N4BP2: variants seen among roughly 807,000 people sequenced by gnomAD.
N4BP2 encodes the protein NEDD4 binding protein 2, also known as NEDD4-binding protein 2.
N4BP2 carries 91 observed loss-of-function variants against 152.8 expected under a neutral mutation model. The observed-to-expected ratio is 0.60, with a 90% CI of 0.50 to 0.71. The LOEUF is 0.71. Among genes scored for constraint, N4BP2 ranks in the 30% least tolerant of loss-of-function variants. The probability of loss-of-function intolerance (pLI) is 0.00; values close to 1 mark genes in which losing one functional copy is unlikely to be tolerated. For synonymous variants in N4BP2, 646 were observed against 705.3 expected, an observed-to-expected ratio of 0.92 and a Z score of 1.33; for missense variants, 1,923 against 2,059.1, an observed-to-expected ratio of 0.93 and a Z score of 1.28.
At chr4:40,159,644 C>T (rs1467197864), downstream of N4BP2, among the ~76,000 whole-genome samples, 1 of 152,166 alleles carries the variant, frequency 6.6e-6, no homozygotes, top group Non-Finnish European at 1.5e-5. Flanking sequence ...TGACCAGAAC[C>T]TAGTCATGTC....
intron 1 of N4BP2, among the ~76,000 whole-genome samples, chr4:40,069,551 G>A (rs1560569387): frequency 6.6e-6 from 1 of 152,006 alleles, no homozygotes; most frequent in Non-Finnish European, 1.5e-5. Context: ...AGTGTGCCCT[G>A]CTTTATAAAA....
At chr4:40,168,821 G>A in the N4BP2 span, among the ~76,000 whole-genome samples, 77,404 of 151,342 alleles carry the variant, frequency 0.51, 20,878 homozygotes, top group South Asian at 0.59. Context: ...ACCTCCCTGG[G>A]TTCAAGTGAT....
chr4:40,123,232 T>C lies in N4BP2; in HGVS notation c.4284+20T>C. 1 of 1,507,730 alleles carries C rather than the reference T, an allele frequency of 6.6e-7. No individual in the cohort carries two copies. The allele number at this position is 1,507,730 out of a possible 1,614,324, so 93.4% of individuals were successfully genotyped here. ...GTAATGGTTGGTAGGCTTCTTTTTA[T>C]AAAGAGCTCCTTTTTTGTCCATTTT... On this transcript the variant is annotated intron_variant, in intron 10 of 17. Transcript: ENST00000261435.
intron 2 of N4BP2, among the ~76,000 whole-genome samples, chr4:40,074,512 A>G (rs1386633680): frequency 6.6e-6 from 1 of 152,048 alleles, no homozygotes; most frequent in East Asian, 1.9e-4. Context: ...CCTGGCCTAC[A>G]CAGGTTTCTA....
intron 2 of N4BP2, among the ~76,000 whole-genome samples, chr4:40,088,712 C>A (rs762734239): frequency 6.6e-6 from 1 of 152,032 alleles, no homozygotes; most frequent in Non-Finnish European, 1.5e-5. Flanking sequence ...GTTGGTCAGG[C>A]CGGTCTCGAA....
chr4:40,091,182 A>G (rs1714504577), intron 2 of N4BP2, among the ~76,000 whole-genome samples: 1 of 152,054 alleles, frequency 6.6e-6, no homozygotes, highest in South Asian at 2.1e-4. Flanking sequence ...TTTCTGTAAT[A>G]CATAGATAAC....
rs371147926 is a variant in N4BP2, at chr4:40,142,780, G to A, written c.4893G>A (p.Gln1631=). Residue 1631 remains glutamine (Q), a synonymous_variant, in exon 15 of 18, where the codon CAG becomes CAA. Transcript: ENST00000261435. ...DYRAEAFLHQ[Q]KRMECYSKAK... ...GAGCAGAGGCTTTCCTTCACCAACA[G>A]AAGAGGATGGAGTGCTACAGCAAGG... 66 of 1,614,154 alleles carry A rather than the reference G, an allele frequency of 4.1e-5. No individual in the cohort carries two copies. Among genetic ancestry groups the A allele is most frequent in the Non-Finnish European group, 5.6e-5 (66 of 1,180,016 alleles).
intron 2 of N4BP2, among the ~76,000 whole-genome samples, chr4:40,081,147 C>G (rs747632475): frequency 9.2e-5 from 14 of 151,678 alleles, no homozygotes; most frequent in Non-Finnish European, 1.9e-4. Flanking sequence ...ATGATTTTTT[C>G]CTGATTATGG....
intron 2 of N4BP2, among the ~76,000 whole-genome samples, chr4:40,094,960 T>C (rs977290469): frequency 6.6e-6 from 1 of 152,150 alleles, no homozygotes; most frequent in African/African-American, 2.4e-5. Flanking sequence ...GTATTTTTAG[T>C]AGAGACAGAA....
At chr4:40,144,351 A>G (rs1396076257) in intron 15 of N4BP2, among the ~76,000 whole-genome samples, 2 of 152,190 alleles carry the variant, frequency 1.3e-5, no homozygotes, top group Non-Finnish European at 2.9e-5. Context: ...ATTAACTGTC[A>G]CATGTGAGGA....
intron 1 of N4BP2, among the ~76,000 whole-genome samples, chr4:40,066,597 G>A (rs527572476): frequency 3.3e-5 from 5 of 152,274 alleles, no homozygotes; most frequent in Admixed American, 3.3e-4. Flanking sequence ...TGGGATTACA[G>A]GTGTGAGCCA....
At chr4:40,137,671 A>G (rs1213293742) in intron 14 of N4BP2, among the ~76,000 whole-genome samples, 1 of 152,102 alleles carries the variant, frequency 6.6e-6, no homozygotes, top group Non-Finnish European at 1.5e-5. Context: ...TGGAAACAGG[A>G]GGTATGGCTT....
chr4:40,122,062 T>G lies in N4BP2; in HGVS notation c.3951T>G (p.Phe1317Leu). The G allele has an allele frequency of 6.5e-7, 1 of 1,549,834 alleles. No individual in the cohort carries two copies. The highest frequency in any genetic ancestry group is 8.7e-7 in the Non-Finnish European group (1 of 1,147,642). Residue 1317 changes from phenylalanine to leucine, a missense_variant, in exon 9 of 18, where the codon TTT becomes TTG. Physicochemically the swap from Phe to Leu is conservative, Grantham distance 22 (BLOSUM62 0). Coordinates refer to ENST00000261435, the MANE Select transcript of N4BP2 (RefSeq NM_018177.6). ...TTGAAATAAAGAGAAATGAAAATTT[T>G]CCAAAGGATTATGTGAAATTTTCAG... The part of the protein sequence containing the change: ...DSLEIKRNEN[F>L]PKDYVKFSDE...
Position 40,154,318 on chromosome 4 carries a change from C to CCTG in N4BP2, c.*81_*82insCTG. 1 of 829,248 alleles carries CCTG rather than the reference C, an allele frequency of 1.2e-6. No individual in the cohort carries two copies. The highest frequency in any genetic ancestry group is 1.9e-6 in the Non-Finnish European group (1 of 524,128). The allele number at this position is 829,248 out of a possible 1,614,324, so 51.4% of individuals were successfully genotyped here. A position where few individuals can be genotyped will look rare whatever the true frequency, so the allele number is the denominator to read the frequency against. On this transcript the variant is annotated 3_prime_UTR_variant, in exon 18 of 18. Coordinates refer to ENST00000261435, the MANE Select transcript of N4BP2 (RefSeq NM_018177.6). ...TTGCAGTAATTCAGTCAATTCTACC[C>CCTG]TAAAGATGTGTTTTATTATAAATAA...
At chr4:40,071,180 A>T (rs1477195558) in intron 1 of N4BP2, among the ~76,000 whole-genome samples, 1 of 151,008 alleles carries the variant, frequency 6.6e-6, no homozygotes, top group Non-Finnish European at 1.5e-5. Context: ...CTCCTTCCCT[A>T]CTCTGCCTCT....
At chr4:40,148,535 A>T (rs1358548457) in intron 16 of N4BP2, among the ~76,000 whole-genome samples, 1 of 152,158 alleles carries the variant, frequency 6.6e-6, no homozygotes, top group Non-Finnish European at 1.5e-5. Flanking sequence ...TGTAAGTGAG[A>T]TCATACAGGA....
chr4:40,160,309 T>G (rs545157289), downstream of N4BP2, among the ~76,000 whole-genome samples: 20 of 152,362 alleles, frequency 1.3e-4, no homozygotes, highest in African/African-American at 4.8e-4. Context: ...GGTCTCCCAC[T>G]TAGGATGGTT....
rs776843476 is a variant in N4BP2, at chr4:40,144,681, T to C, written c.5024T>C (p.Ile1675Thr). 13 of 1,614,020 alleles carry C rather than the reference T, an allele frequency of 8.1e-6. 1 individual carries two copies. In the East Asian group the frequency reaches 1.8e-4, roughly 22 times the overall value. ...AAAGAAGCCAATCACCTTGCTGCCA[T>C]AGAGATCTTTGAGAAAGTCAATGCT... ...KMKEANHLAAIEIFEKVNASL... is the reference protein window; with the variant it reads ...KMKEANHLAATEIFEKVNASL... The change falls in exon 16 of 18, where the codon ATA (isoleucine) becomes ACA (threonine). Residue 1675 changes from isoleucine (I) to threonine (T), a missense_variant. Coordinates refer to ENST00000261435, the MANE Select transcript of N4BP2 (RefSeq NM_018177.6).
chr4:40,094,275 G>A (rs1714902998), intron 2 of N4BP2, among the ~76,000 whole-genome samples: 1 of 152,080 alleles, frequency 6.6e-6, no homozygotes, highest in African/African-American at 2.4e-5. Context: ...ATCTATCTTG[G>A]TATGTGTTCT....
Sources: gnomAD v4.1 joint callset for allele counts (sites outside exome capture counted in the v4.1 genomes callset) on GRCh38, gnomAD v4.1.1 for gene constraint, MANE v1.5 for transcripts, NCBI Gene and HGNC (gene_info 2026-07-23, HGNC 2026-07-21) for gene names.